KLRD1: variants seen among roughly 807,000 people sequenced by gnomAD.
KLRD1 encodes the protein killer cell lectin like receptor D1.
Under a neutral mutation model 22.6 loss-of-function variants are expected in KLRD1, and 21 were observed. The ratio of observed to expected loss-of-function variants is 0.93; its 90% CI spans 0.66 to 1.34. The LOEUF (loss-of-function observed/expected upper bound fraction) is 1.34, where lower values mean the gene tolerates loss of function less well. KLRD1 is among the 40% of genes most tolerant of loss of function. The pLI is 0.00. For synonymous variants in KLRD1, 59 were observed against 71.1 expected (o/e 0.83, Z 0.85); for missense variants, 183 against 208.6 (o/e 0.88, Z 0.76).
intron 5 of KLRD1, 33 bp from the exon 6 acceptor site, chr12:10,314,640 T>A (rs760666866): frequency 6.6e-7 from 1 of 1,517,374 alleles, no homozygotes; most frequent in Non-Finnish European, 8.8e-7. Context: ...TACTTCCTTT[T>A]TGTGTATGTG....
chr12:10,270,196 T>C (rs1949537343), intron 1 of KLRD1, among the ~76,000 whole-genome samples: 1 of 152,310 alleles, frequency 6.6e-6, no homozygotes, highest in Admixed American at 6.5e-5. Flanking sequence ...CCTATGCCAT[T>C]GCTGATAACT....
At chr12:10,262,584 G>A (rs1327068117) in intron 1 of KLRD1, among the ~76,000 whole-genome samples, 2 of 152,002 alleles carry the variant, frequency 1.3e-5, no homozygotes, top group Non-Finnish European at 2.9e-5. Flanking sequence ...AACAGCTTAT[G>A]TGTGATAGAT....
chr12:10,240,159 C>T (rs1265131935), intron 1 of KLRD1, among the ~76,000 whole-genome samples: 2 of 151,946 alleles, frequency 1.3e-5, no homozygotes, highest in African/African-American at 4.8e-5. Flanking sequence ...CTCCCAGGCT[C>T]AAGCTACCTT....
At chr12:10,288,246 A>T (rs1243133785) in intron 1 of KLRD1, among the ~76,000 whole-genome samples, 1 of 151,494 alleles carries the variant, frequency 6.6e-6, no homozygotes, top group Middle Eastern at 3.2e-3. Flanking sequence ...CCGTCTCAAA[A>T]AAAAAAAAAA....
chr12:10,322,535 A>G lies in KLRD1; in HGVS notation c.*7742A>G, dbSNP rs1414639297. 1.3e-5 allele frequency: 2 copies of G among 152,114 alleles called. No individual in the cohort carries two copies. Among genetic ancestry groups the G allele is most frequent in the Non-Finnish European group, 2.9e-5 (2 of 68,024 alleles). The allele number at this position is 152,114 out of a possible 1,614,324, so 9.4% of individuals were successfully genotyped here. ...GTGTCACTTTATTCTCATTGGAAAT[A>G]TCCTCCCAAGAGCTCTTACCCACCT... On this transcript the variant is annotated 3_prime_UTR_variant, in exon 6 of 6. Transcript: ENST00000336164.
intron 5 of KLRD1, among the ~76,000 whole-genome samples, chr12:10,313,762 C>CA (rs1390691408): frequency 6.6e-6 from 1 of 151,512 alleles, no homozygotes; most frequent in African/African-American, 2.4e-5. Flanking sequence ...ATAGTTGGTG[C>CA]AAAAAAATAC....
intron 1 of KLRD1, among the ~76,000 whole-genome samples, chr12:10,260,671 TG>T (rs1949444604): frequency 6.6e-6 from 1 of 151,922 alleles, no homozygotes; most frequent in Admixed American, 6.6e-5. Context: ...CTGGGCGTGG[TG>T]GCTCACGCCT....
rs1950368271 is a variant in KLRD1 at position 10,327,082 on chromosome 12, G to T, written c.*12289G>T. 6.6e-6 allele frequency: 1 copy of T among 152,112 alleles called. No individual in the cohort carries two copies. The highest frequency in any genetic ancestry group is 1.5e-5 in the Non-Finnish European group (1 of 68,022). 9.4% of individuals were successfully genotyped at this position (152,112 alleles called of 1,614,324 possible). A position where few individuals can be genotyped will look rare whatever the true frequency, so the allele number is the denominator to read the frequency against. On this transcript the variant is annotated 3_prime_UTR_variant, in exon 6 of 6. Coordinates refer to ENST00000336164, the MANE Select transcript of KLRD1 (RefSeq NM_002262.5). Reference sequence around the variant, plus strand: ...TTTAATCCATTTGAAATTTATTTTTGCATATGGTGTAAGATAAGCAATTTC... The same window carrying T: ...TTTAATCCATTTGAAATTTATTTTTTCATATGGTGTAAGATAAGCAATTTC...
rs1485128100 is a variant in KLRD1 at position 10,329,013 on chromosome 12, G to GTCCC, written c.*14224_*14227dup. 6.6e-6 allele frequency: 1 copy of GTCCC among 152,164 alleles called. No homozygotes were observed. The highest frequency in any genetic ancestry group is 2.4e-5 in the African/African-American group (1 of 41,428). 9.4% of individuals were successfully genotyped at this position (152,164 alleles called of 1,614,324 possible). ...CCATGATTCAATTATCTCCCACTGG[G>GTCCC]TCCCTCCACCAACATGGGGGAATTA... On this transcript the variant is annotated 3_prime_UTR_variant, in exon 6 of 6. Transcript: ENST00000336164.
At position 10,328,525 on chromosome 12, in the gene KLRD1, T is replaced by C. The variant is rs1950381378; in HGVS notation, c.*13732T>C. ...TGTCTTATTTCTGATTTCATTTATT[T>C]AAGGCCTCTCTTCTTTTTCTTAGTC... On this transcript the variant is annotated 3_prime_UTR_variant, in exon 6 of 6. Coordinates refer to ENST00000336164, the MANE Select transcript of KLRD1 (RefSeq NM_002262.5). 1 of 152,152 alleles carries C rather than the reference T, an allele frequency of 6.6e-6. No homozygotes were observed. The highest frequency in any genetic ancestry group is 2.1e-4 in the South Asian group (1 of 4,830). The allele number at this position is 152,152 out of a possible 1,614,324, so 9.4% of individuals were successfully genotyped here. A position where few individuals can be genotyped will look rare whatever the true frequency, so the allele number is the denominator to read the frequency against.
At chr12:10,255,635 A>C (rs1040467665) in intron 1 of KLRD1, among the ~76,000 whole-genome samples, 1 of 152,046 alleles carries the variant, frequency 6.6e-6, no homozygotes, top group African/African-American at 2.4e-5. Flanking sequence ...CTAATTTTCA[A>C]ATTTTTAGTT....
intron 1 of KLRD1, among the ~76,000 whole-genome samples, chr12:10,269,115 A>G (rs558283703): frequency 4.4e-4 from 67 of 151,128 alleles, no homozygotes; most frequent in African/African-American, 1.6e-3. Context: ...TCTAGTAGTC[A>G]TTTTCTGTTA....
chr12:10,328,033 C>T lies in KLRD1; in HGVS notation c.*13240C>T, dbSNP rs754258682. ...ATGCCACTTGCTTATGGCATATACT[C>T]CTTTTAGTGTACTGTTGAATTAATT... On this transcript the variant is annotated 3_prime_UTR_variant, in exon 6 of 6. Transcript: ENST00000336164. 6.6e-6 allele frequency: 1 copy of T among 152,062 alleles called. No individual in the cohort carries two copies. Among genetic ancestry groups the T allele is most frequent in the Non-Finnish European group, 1.5e-5 (1 of 67,980 alleles). 9.4% of individuals were successfully genotyped at this position (152,062 alleles called of 1,614,324 possible). A position where few individuals can be genotyped will look rare whatever the true frequency, so the allele number is the denominator to read the frequency against.
chr12:10,311,663 A>G (rs750387104), intron 4 of KLRD1, 48 bp downstream of exon 4: 12 of 1,578,266 alleles, frequency 7.6e-6, no homozygotes, highest in South Asian at 1.1e-5. Context: ...CTAGAAAAAT[A>G]TACTATCTAA....
rs146095047 is a variant in KLRD1, at chr12:10,251,562, G to C, written c.-101+25329G>C. Among the ~76,000 whole-genome samples the C allele has an allele frequency of 2.6e-3, 394 of 152,078 alleles. 1 individual carries two copies. Among genetic ancestry groups the C allele is most frequent in the African/African-American group, 9.0e-3 (375 of 41,462 alleles). On this transcript the variant is annotated intron_variant, in intron 1 of 5. Transcript: ENST00000544747. Reference sequence around the variant, plus strand: ...AGCAAGAGGGGGATGGTTTGGGATGGTTCAAGTGCGTTACATTTATTGTGC... The same window carrying C: ...AGCAAGAGGGGGATGGTTTGGGATGCTTCAAGTGCGTTACATTTATTGTGC...
At chr12:10,284,866 A>G (rs982846161) in intron 1 of KLRD1, among the ~76,000 whole-genome samples, 5 of 152,152 alleles carry the variant, frequency 3.3e-5, no homozygotes, top group Non-Finnish European at 7.4e-5. Context: ...CTGTAATCCC[A>G]GCTACTCAGG....
At chr12:10,288,589 A>G (rs1455207360) in intron 1 of KLRD1, among the ~76,000 whole-genome samples, 2 of 152,164 alleles carry the variant, frequency 1.3e-5, no homozygotes, top group Non-Finnish European at 2.9e-5. Flanking sequence ...CAACTATGAA[A>G]TTTAAGAACT....
In KLRD1 at chr12:10,321,245, G is replaced by A. The variant is rs1335756452; in HGVS notation, c.*6452G>A. ...TCTATAGTTTGTTCTTTCGAATGTTGAGTGTATAAGGGAAGGAAATCTCTA... is the reference window on the plus strand; with the variant it reads ...TCTATAGTTTGTTCTTTCGAATGTTAAGTGTATAAGGGAAGGAAATCTCTA... On this transcript the variant is annotated 3_prime_UTR_variant, in exon 6 of 6. Coordinates refer to ENST00000336164, the MANE Select transcript of KLRD1 (RefSeq NM_002262.5). 6.6e-6 allele frequency: 1 copy of A among 152,148 alleles called. No homozygotes were observed. Among genetic ancestry groups the A allele is most frequent in the Non-Finnish European group, 1.5e-5 (1 of 68,020 alleles). 9.4% of individuals were successfully genotyped at this position (152,148 alleles called of 1,614,324 possible).
At chr12:10,299,019 A>G (rs939433261) in intron 1 of KLRD1, among the ~76,000 whole-genome samples, 1 of 152,132 alleles carries the variant, frequency 6.6e-6, no homozygotes, top group Non-Finnish European at 1.5e-5. Context: ...AGGGGAAATG[A>G]CTTTCATTCT....
Sources: allele counts gnomAD v4.1 joint callset (sites outside exome capture counted in the v4.1 genomes callset), GRCh38; gene constraint gnomAD v4.1.1; transcripts MANE v1.5; gene names NCBI Gene and HGNC (gene_info 2026-07-23, HGNC 2026-07-21).